The following ERC2 variants were observed in gnomAD, a reference collection of about 807,000 sequenced individuals.
The protein encoded by ERC2 is ERC protein 2.
In ERC2, 42 loss-of-function variants were observed where a neutral mutation model predicts 114.8. That is an observed-to-expected ratio of 0.37 (90% CI 0.29 to 0.47). The LOEUF (loss-of-function observed/expected upper bound fraction) is 0.47, where lower values mean the gene tolerates loss of function less well. Among genes scored for constraint, ERC2 ranks in the 20% least tolerant of loss-of-function variants. The probability of loss-of-function intolerance (pLI) is 0.99; values close to 1 mark genes in which losing one functional copy is unlikely to be tolerated. For synonymous variants in ERC2, 454 were observed against 425.5 expected, an observed-to-expected ratio of 1.07 and a Z score of -0.82; for missense variants, 939 against 1,150.7, an observed-to-expected ratio of 0.82 and a Z score of 2.66.
intron 17 of ERC2, among the ~76,000 whole-genome samples, chr3:55,541,991 G>A (rs1240835207): frequency 6.6e-6 from 1 of 152,176 alleles, no homozygotes; most frequent in Non-Finnish European, 1.5e-5. Flanking sequence ...GCTGTGAAAA[G>A]CAATGACATA....
At chr3:55,677,014 A>T (rs981279392) in intron 17 of ERC2, among the ~76,000 whole-genome samples, 1 of 152,128 alleles carries the variant, frequency 6.6e-6, no homozygotes, top group African/African-American at 2.4e-5. Flanking sequence ...GAACTTATTT[A>T]CTGCCCTCCA....
At chr3:55,764,794 T>C (rs566112826) in intron 14 of ERC2, among the ~76,000 whole-genome samples, 39 of 152,304 alleles carry the variant, frequency 2.6e-4, no homozygotes, top group African/African-American at 9.1e-4. Flanking sequence ...AGGCTAAATA[T>C]AGAGACATGG....
At chr3:55,845,405 G>A (rs2149225238) in intron 14 of ERC2, among the ~76,000 whole-genome samples, 1 of 148,666 alleles carries the variant, frequency 6.7e-6, no homozygotes, top group African/African-American at 2.5e-5. Context: ...TTGGGAGGCT[G>A]AGGCAGGAGA....
At chr3:56,117,017 G>T (rs754176070) in intron 6 of ERC2, among the ~76,000 whole-genome samples, 3 of 152,170 alleles carry the variant, frequency 2.0e-5, no homozygotes, top group Non-Finnish European at 4.4e-5. Context: ...TTTTACAGTT[G>T]AGAAGGTTTT....
chr3:55,752,278 C>T (rs1385065954), intron 14 of ERC2, among the ~76,000 whole-genome samples: 2 of 152,156 alleles, frequency 1.3e-5, no homozygotes, highest in Admixed American at 1.3e-4. Flanking sequence ...AATGATCTTA[C>T]AGCTAAGGGG....
At chr3:56,432,534 A>G (rs960624022) in intron 2 of ERC2, among the ~76,000 whole-genome samples, 1 of 152,222 alleles carries the variant, frequency 6.6e-6, no homozygotes, top group East Asian at 1.9e-4. Flanking sequence ...CAACTACAAA[A>G]TCACATTTCT....
At chr3:55,762,328 C>T (rs1559614597) in intron 14 of ERC2, among the ~76,000 whole-genome samples, 2 of 152,108 alleles carry the variant, frequency 1.3e-5, no homozygotes, top group Non-Finnish European at 2.9e-5. Flanking sequence ...TTCACCACTG[C>T]CTGGCCACAA....
At chr3:56,218,582 C>A (rs2049667435) in intron 3 of ERC2, among the ~76,000 whole-genome samples, 1 of 152,174 alleles carries the variant, frequency 6.6e-6, no homozygotes, top group Admixed American at 6.5e-5. Flanking sequence ...GTCAGAGTGG[C>A]AATCCCTCAG....
At chr3:56,173,758 C>T in intron 3 of ERC2, 1 of 492,492 alleles carries the variant, frequency 2.0e-6, no homozygotes, top group Non-Finnish European at 3.6e-6. Context: ...TTAATGTCAA[C>T]TGTGACAAAG....
intron 17 of ERC2, among the ~76,000 whole-genome samples, chr3:55,530,850 G>T (rs371286864): frequency 6.6e-6 from 1 of 152,166 alleles, no homozygotes; most frequent in African/African-American, 2.4e-5. Flanking sequence ...AGTCAGAGGT[G>T]GGGGTGGGCA....
chr3:55,724,092 G>T lies in ERC2; in HGVS notation c.2712+10679C>A, dbSNP rs1473403405. Among the ~76,000 whole-genome samples the T allele has an allele frequency of 5.3e-5, 8 of 151,978 alleles. No homozygotes were observed. The South Asian group carries it at 1.5e-3, about 28-fold the overall frequency. ...CTAAAGAGAAAAAGGCTTTCCAACA[G>T]ATACCTTGAGAATGAAACACAAAGG... On this transcript the variant is annotated intron_variant, in intron 15 of 17. Transcript: ENST00000288221.
At chr3:56,218,467 G>A (rs1471719297) in intron 3 of ERC2, among the ~76,000 whole-genome samples, 8 of 152,128 alleles carry the variant, frequency 5.3e-5, no homozygotes, top group Non-Finnish European at 1.2e-4. Flanking sequence ...TTAGAATGGC[G>A]ATCATTAAAA....
chr3:56,018,873 A>G (rs761800657), intron 8 of ERC2, 21 bp downstream of exon 8: 1 of 1,604,916 alleles, frequency 6.2e-7, no homozygotes, highest in Non-Finnish European at 8.5e-7. Context: ...CTGATTCCCC[A>G]GTTTTTGAGT....
intron 12 of ERC2, 76 bp downstream of exon 12, chr3:55,985,901 G>A: frequency 7.7e-7 from 1 of 1,301,116 alleles, no homozygotes. Context: ...TCAGAAATGT[G>A]TTTGTTAAAC....
chr3:56,392,479 AG>A (rs1042844740), intron 2 of ERC2, among the ~76,000 whole-genome samples: 1 of 152,148 alleles, frequency 6.6e-6, no homozygotes, highest in African/African-American at 2.4e-5. Flanking sequence ...CTGTTTCTAT[AG>A]GGAGATAAAA....
At chr3:55,957,524 C>T (rs767305131) in intron 12 of ERC2, among the ~76,000 whole-genome samples, 75 of 152,180 alleles carry the variant, frequency 4.9e-4, no homozygotes, top group African/African-American at 9.2e-4. Flanking sequence ...TGTGGCCAGC[C>T]GCACCCCTGC....
chr3:55,785,695 GC>G (rs1249035415), intron 14 of ERC2, among the ~76,000 whole-genome samples: 10 of 152,316 alleles, frequency 6.6e-5, no homozygotes, highest in Non-Finnish European at 1.0e-4. Context: ...TGACTTTTCA[GC>G]AATGCCTCTA....
chr3:55,818,631 G>C (rs1293785831), intron 14 of ERC2, among the ~76,000 whole-genome samples: 2 of 152,146 alleles, frequency 1.3e-5, no homozygotes, highest in African/African-American at 4.8e-5. Context: ...TCTTGACTTT[G>C]TTCTCCACTT....
chr3:55,854,943 C>A (rs929915816), intron 14 of ERC2, among the ~76,000 whole-genome samples: 1 of 152,176 alleles, frequency 6.6e-6, no homozygotes, highest in African/African-American at 2.4e-5. Context: ...GAGACCCTCA[C>A]ATCCTTGTTT....
Sources: allele counts gnomAD v4.1 joint callset (sites outside exome capture counted in the v4.1 genomes callset), GRCh38; gene constraint gnomAD v4.1.1; transcripts MANE v1.5; gene names NCBI Gene and HGNC (gene_info 2026-07-23, HGNC 2026-07-21).